The following PACRG variants were observed in gnomAD, a reference collection of about 807,000 sequenced individuals.
The protein encoded by PACRG is parkin coregulated gene protein.
In PACRG, 29 loss-of-function variants were observed where a neutral mutation model predicts 29.7. The observed-to-expected ratio is 0.98, with a 90% CI of 0.73 to 1.33. PACRG has a LOEUF of 1.33. Ranked by LOEUF, PACRG falls within the 40% of genes most tolerant of loss-of-function variation. The pLI is 0.00. For synonymous variants in PACRG, 116 were observed against 118.7 expected, an observed-to-expected ratio of 0.98 and a Z score of 0.15; for missense variants, 279 against 316.2, an observed-to-expected ratio of 0.88 and a Z score of 0.89.
chr6:162,790,708 GC>G (rs1277879431), intron 1 of PACRG, among the ~76,000 whole-genome samples: 15 of 152,050 alleles, frequency 9.9e-5, no homozygotes, highest in Non-Finnish European at 2.2e-4. Context: ...TCCTAAGTAG[GC>G]TGAAGATATA....
At chr6:163,272,594 A>T (rs188555444) in intron 4 of PACRG, among the ~76,000 whole-genome samples, 1 of 152,260 alleles carries the variant, frequency 6.6e-6, no homozygotes, top group East Asian at 1.9e-4. Context: ...AACAGTGAAG[A>T]TACTGGTGAG....
intron 2 of PACRG, among the ~76,000 whole-genome samples, chr6:162,907,092 TTATTGAAAAGCATTTTGTTCA>T (rs1379098671): frequency 6.6e-6 from 1 of 152,200 alleles, no homozygotes; most frequent in Non-Finnish European, 1.5e-5. Context: ...CTAAGTGTCA[TTATTGAAAAGCATTTTGTTCA>T]TATACCATGA....
intron 1 of PACRG, among the ~76,000 whole-genome samples, chr6:162,738,908 AT>A (rs1780365304): frequency 6.6e-6 from 1 of 152,160 alleles, no homozygotes; most frequent in African/African-American, 2.4e-5. Flanking sequence ...CATTGTGTGA[AT>A]AAACCAGCTT....
At chr6:163,132,463 A>G (rs2128329896) in intron 4 of PACRG, among the ~76,000 whole-genome samples, 1 of 152,324 alleles carries the variant, frequency 6.6e-6, no homozygotes, top group South Asian at 2.1e-4. Context: ...TACTTGAAAT[A>G]TGACACCCAG....
chr6:163,315,135 C>T lies in PACRG; in HGVS notation c.*148C>T. 2.3e-6 allele frequency: 2 copies of T among 873,028 alleles called. No individual in the cohort carries two copies. The highest frequency in any genetic ancestry group is 3.5e-6 in the Non-Finnish European group (2 of 578,842). The allele number at this position is 873,028 out of a possible 1,614,324, so 54.1% of individuals were successfully genotyped here. On this transcript the variant is annotated 3_prime_UTR_variant, in exon 5 of 5. Coordinates refer to ENST00000366888, the MANE Select transcript of PACRG (RefSeq NM_001080379.2). ...GCTTATGGGCCATTGGACTGTTAGC[C>T]CTATTGAGAGCAAGGCTTTCCAATA...
At chr6:163,100,628 T>C (rs1020521279) in intron 4 of PACRG, 8 of 321,868 alleles carry the variant, frequency 2.5e-5, no homozygotes, top group Non-Finnish European at 2.7e-5. Context: ...CGAGGGACCC[T>C]CGTGTCAGCT....
intron 4 of PACRG, among the ~76,000 whole-genome samples, chr6:163,135,347 C>G (rs1356303069): frequency 6.6e-6 from 1 of 152,108 alleles, no homozygotes; most frequent in African/African-American, 2.4e-5. Context: ...CGCCACCATG[C>G]CTGGCTAATT....
chr6:162,969,800 C>A (rs1801373965), intron 2 of PACRG, among the ~76,000 whole-genome samples: 1 of 152,164 alleles, frequency 6.6e-6, no homozygotes, highest in African/African-American at 2.4e-5. Flanking sequence ...GACCATTTCC[C>A]TCCCTGCTTT....
intron 4 of PACRG, among the ~76,000 whole-genome samples, chr6:163,162,166 C>G (rs774516752): frequency 3.3e-5 from 5 of 152,162 alleles, no homozygotes; most frequent in Admixed American, 2.6e-4. Context: ...GGGCCCACTC[C>G]CAGCCTGGAG....
chr6:162,764,822 C>T (rs1022408317), intron 1 of PACRG, among the ~76,000 whole-genome samples: 1 of 151,620 alleles, frequency 6.6e-6, no homozygotes, highest in African/African-American at 2.4e-5. Flanking sequence ...CGGCTCAGTG[C>T]AACCTCTGCT....
chr6:163,185,333 A>G (rs1232000016), intron 4 of PACRG, among the ~76,000 whole-genome samples: 1 of 152,334 alleles, frequency 6.6e-6, no homozygotes, highest in East Asian at 1.9e-4. Context: ...ATTGTGATAA[A>G]ACAATCCACG....
At chr6:162,924,111 G>T (rs1212972845) in intron 2 of PACRG, among the ~76,000 whole-genome samples, 7 of 151,860 alleles carry the variant, frequency 4.6e-5, no homozygotes, top group African/African-American at 1.5e-4. Flanking sequence ...CACCTTCCTG[G>T]TTAAATTTAT....
chr6:162,735,513 T>G (rs1393906924), intron 1 of PACRG, among the ~76,000 whole-genome samples: 2 of 152,220 alleles, frequency 1.3e-5, no homozygotes, highest in African/African-American at 4.8e-5. Flanking sequence ...CTTCTTCATA[T>G]ATTTACTGTC....
At position 162,777,664 on chromosome 6, in the gene PACRG, T is replaced by C. The variant is rs1783754024; in HGVS notation, c.157-36483T>C. Among the ~76,000 whole-genome samples, 1 of 152,214 alleles carries C rather than the reference T, an allele frequency of 6.6e-6. No homozygotes were observed. The highest frequency in any genetic ancestry group is 1.5e-5 in the Non-Finnish European group (1 of 68,040). ...TTTTTTTAATTTGGTGCCTGTGATTTCATAAGGAAATATTTTATTTTATAC... is the reference window on the plus strand; with the variant it reads ...TTTTTTTAATTTGGTGCCTGTGATTCCATAAGGAAATATTTTATTTTATAC... On this transcript the variant is annotated intron_variant, in intron 1 of 4. Coordinates refer to ENST00000366888, the MANE Select transcript of PACRG (RefSeq NM_001080379.2). This position sits in a 1 kb window ranked among gnomAD's most constrained non-coding sequence, Gnocchi z 4.0.
intron 4 of PACRG, among the ~76,000 whole-genome samples, chr6:163,232,841 G>A (rs1355087328): frequency 6.6e-6 from 1 of 152,286 alleles, no homozygotes; most frequent in East Asian, 1.9e-4. Flanking sequence ...GCTCCCAGGA[G>A]GAGGCCCTGG....
intron 4 of PACRG, among the ~76,000 whole-genome samples, chr6:163,141,518 A>G (rs1056774452): frequency 4.0e-5 from 6 of 151,770 alleles, no homozygotes; most frequent in Admixed American, 2.6e-4. Flanking sequence ...TTCAGTCGTC[A>G]GCCAAAGCTT....
At chr6:162,835,320 T>C (rs1789126402) in intron 2 of PACRG, among the ~76,000 whole-genome samples, 1 of 152,112 alleles carries the variant, frequency 6.6e-6, no homozygotes, top group Non-Finnish European at 1.5e-5. Flanking sequence ...CCTTTGAGAA[T>C]TATTTATAAA....
chr6:162,738,684 AT>A (rs1780350336), intron 1 of PACRG, among the ~76,000 whole-genome samples: 1 of 152,168 alleles, frequency 6.6e-6, no homozygotes. Flanking sequence ...AAGGAATGTA[AT>A]ATTTTAACTG....
At chr6:163,025,201 T>A (rs1285723062) in intron 2 of PACRG, among the ~76,000 whole-genome samples, 1 of 152,022 alleles carries the variant, frequency 6.6e-6, no homozygotes, top group African/African-American at 2.4e-5. Flanking sequence ...CTCTTACAAA[T>A]CCTATTCAAC....
Sources: allele counts gnomAD v4.1 joint callset (sites outside exome capture counted in the v4.1 genomes callset), GRCh38; gene constraint gnomAD v4.1.1; non-coding constraint Gnocchi (gnomAD v3.1); transcripts MANE v1.5; gene names NCBI Gene and HGNC (gene_info 2026-07-23, HGNC 2026-07-21).